The following IQGAP2 variants were observed in gnomAD, a reference collection of about 807,000 sequenced individuals.
IQGAP2 encodes the protein ras GTPase-activating-like protein IQGAP2.
Under a neutral mutation model 201.3 loss-of-function variants are expected in IQGAP2, and 173 were observed. The ratio of observed to expected loss-of-function variants is 0.86; its 90% CI spans 0.76 to 0.98. The LOEUF is 0.98. Ranked by LOEUF, IQGAP2 falls within the 50% of genes least tolerant of loss-of-function variation. The pLI, the probability that IQGAP2 is intolerant of heterozygous loss-of-function variation, is 0.00. For missense variants in IQGAP2, 1,687 were observed against 1,864.8 expected (o/e 0.90, Z 1.76); for synonymous variants, 675 against 673.9 (o/e 1.00, Z -0.03).
rs141898089 is a variant in IQGAP2 at position 76,618,256 on chromosome 5, C to T, written c.1521+7073C>T. 53 of 1,614,014 alleles carry T rather than the reference C, an allele frequency of 3.3e-5. No individual in the cohort carries two copies. In the African/African-American group the frequency reaches 6.4e-4, roughly 20 times the overall value. On this transcript the variant is annotated intron_variant, in intron 13 of 35. Coordinates refer to ENST00000274364, the MANE Select transcript of IQGAP2 (RefSeq NM_006633.5). ...CAGTTGTTCCCATTGAGATGATAAGCTATCTTAAAGGGCAATGTAACACAA... is the reference window on the plus strand; with the variant it reads ...CAGTTGTTCCCATTGAGATGATAAGTTATCTTAAAGGGCAATGTAACACAA...
At chr5:76,694,819 T>C (rs905792101) in intron 31 of IQGAP2, among the ~76,000 whole-genome samples, 8 of 152,376 alleles carry the variant, frequency 5.3e-5, no homozygotes, top group African/African-American at 1.9e-4. Flanking sequence ...ATAGTCTCTT[T>C]TTGTTACTGT....
chr5:76,522,527 A>G (rs1365784024), intron 2 of IQGAP2, among the ~76,000 whole-genome samples: 1 of 152,134 alleles, frequency 6.6e-6, no homozygotes, highest in Non-Finnish European at 1.5e-5. Context: ...TTCTTACCTC[A>G]AGGAAATGTA....
At chr5:76,451,020 C>G (rs1753708528) in intron 1 of IQGAP2, among the ~76,000 whole-genome samples, 1 of 152,150 alleles carries the variant, frequency 6.6e-6, no homozygotes, top group Non-Finnish European at 1.5e-5. Context: ...CTAATTGTGT[C>G]TGTTATATTA....
At chr5:76,609,128 C>G (rs1477313172) in intron 12 of IQGAP2, 1 of 1,535,810 alleles carries the variant, frequency 6.5e-7, no homozygotes, top group East Asian at 2.4e-5. Context: ...CAGCAGACAG[C>G]AACTTTAGCA....
At chr5:76,657,939 C>G (rs140763883) in intron 20 of IQGAP2, among the ~76,000 whole-genome samples, 1 of 152,242 alleles carries the variant, frequency 6.6e-6, no homozygotes. Flanking sequence ...CTGTTGGTTC[C>G]TGTTTGGCTT....
At chr5:76,648,811 G>T (rs977653466) in intron 17 of IQGAP2, among the ~76,000 whole-genome samples, 7 of 150,722 alleles carry the variant, frequency 4.6e-5, no homozygotes, top group African/African-American at 7.4e-5. Flanking sequence ...ACAGAGGAAT[G>T]AATCAGTGCA....
At chr5:76,577,189 T>C (rs1745527886) in intron 5 of IQGAP2, among the ~76,000 whole-genome samples, 1 of 150,666 alleles carries the variant, frequency 6.6e-6, no homozygotes, top group Admixed American at 6.6e-5. Context: ...GGGACATTCA[T>C]GTTAAGGAGC....
chr5:76,638,997 T>G (rs1751361928), intron 16 of IQGAP2, among the ~76,000 whole-genome samples: 1 of 152,186 alleles, frequency 6.6e-6, no homozygotes, highest in African/African-American at 2.4e-5. Flanking sequence ...TGGCCAAAAG[T>G]AACCTTTCCA....
In IQGAP2 at chr5:76,695,470, C is replaced by G. The variant is rs1399521208; in HGVS notation, c.4010C>G (p.Thr1337Arg). The change falls in exon 32 of 36, where the codon ACG becomes AGG. Residue 1337 changes from threonine (T) to arginine (R), a missense_variant. By Grantham distance (71) the Thr-to-Arg change is moderately conservative. Coordinates refer to ENST00000274364, the MANE Select transcript of IQGAP2 (RefSeq NM_006633.5). The part of the protein sequence containing the change: ...ATAQQEVDHA[T>R]DMVSRAMIDS... The stretch of plus-strand genomic sequence containing the variant: ...TCTTTTCAGGAGGTAGACCATGCCA[C>G]GGACATGGTGAGCCGTGCAATGATA... 2.5e-6 allele frequency: 4 copies of G among 1,613,480 alleles called. No homozygotes were observed. The highest frequency in any genetic ancestry group is 3.4e-6 in the Non-Finnish European group (4 of 1,179,478).
At chr5:76,431,132 T>C (rs1561366164) in intron 1 of IQGAP2, among the ~76,000 whole-genome samples, 1 of 152,042 alleles carries the variant, frequency 6.6e-6, no homozygotes, top group Non-Finnish European at 1.5e-5. Context: ...AAATTGTTAG[T>C]GGATTTCTAC....
chr5:76,592,628 A>G (rs542284986), intron 8 of IQGAP2, among the ~76,000 whole-genome samples: 2 of 152,258 alleles, frequency 1.3e-5, no homozygotes, highest in East Asian at 1.9e-4. Context: ...GCCCTTTTCA[A>G]AGAGTCACCG....
At position 76,683,216 on chromosome 5, in the gene IQGAP2, T is replaced by C; in HGVS notation, c.3762T>C (p.Leu1254=). 1 of 1,606,994 alleles carries C rather than the reference T, an allele frequency of 6.2e-7. No homozygotes were observed. Among genetic ancestry groups the C allele is most frequent in the Non-Finnish European group, 8.5e-7 (1 of 1,175,358 alleles). ...LGEVPTVESF[L]GEGAVDPNDP... ...AGGTGCCAACCGTGGAATCTTTTCT[T>C]GGTAAGAGCTTGTTCCTTCTACTTA... is the stretch of plus-strand genomic sequence containing the variant. The change falls in exon 29 of 36, where the codon CTT becomes CTC. Residue 1254 remains leucine, a splice_region_variant and synonymous_variant. Coordinates refer to ENST00000274364, the MANE Select transcript of IQGAP2 (RefSeq NM_006633.5).
At chr5:76,485,217 C>T (rs576841674) in intron 2 of IQGAP2, among the ~76,000 whole-genome samples, 1 of 152,300 alleles carries the variant, frequency 6.6e-6, no homozygotes, top group Non-Finnish European at 1.5e-5. Context: ...ATATCCAGAG[C>T]CCAGGCCAGA....
rs760292212 is a variant in IQGAP2, at chr5:76,589,583, A to G, written c.527-32A>G. The G allele has an allele frequency of 2.4e-6, 3 of 1,240,812 alleles. No individual in the cohort carries two copies. The Admixed American group carries it at 6.1e-5, about 25-fold the overall frequency. 76.9% of individuals were successfully genotyped at this position (1,240,812 alleles called of 1,614,324 possible). ...CCATCTCTGTCTGTAGCTTTCTCTG[A>G]TAATGATTATGATTATTTTGTTCTT... On this transcript the variant is annotated intron_variant, in intron 6 of 35. Coordinates refer to ENST00000274364, the MANE Select transcript of IQGAP2 (RefSeq NM_006633.5).
intron 32 of IQGAP2, among the ~76,000 whole-genome samples, chr5:76,697,143 T>C (rs1356916537): frequency 6.6e-6 from 1 of 152,240 alleles, no homozygotes; most frequent in East Asian, 1.9e-4. Flanking sequence ...TGCAACTTAA[T>C]GTTCTAGGAA....
chr5:76,460,228 T>G (rs1190619197), intron 1 of IQGAP2, among the ~76,000 whole-genome samples: 1 of 152,130 alleles, frequency 6.6e-6, no homozygotes. Context: ...CAGAGATCCA[T>G]GGAATTTTGC....
chr5:76,572,839 GA>G (rs1745210394), intron 4 of IQGAP2, among the ~76,000 whole-genome samples: 1 of 152,138 alleles, frequency 6.6e-6, no homozygotes, highest in Non-Finnish European at 1.5e-5. Context: ...GGTGTGCAGT[GA>G]AAAACACCCA....
intron 7 of IQGAP2, 43 bp downstream of exon 7, chr5:76,589,771 T>C (rs1746515523): frequency 9.7e-7 from 1 of 1,027,390 alleles, no homozygotes; most frequent in Non-Finnish European, 1.4e-6. Context: ...ATGTGAGACT[T>C]ACCTGTACTT....
chr5:76,705,296 A>G (rs1475246464), intron 35 of IQGAP2, among the ~76,000 whole-genome samples: 1 of 152,164 alleles, frequency 6.6e-6, no homozygotes, highest in Non-Finnish European at 1.5e-5. Context: ...CCTTAATCTC[A>G]TATCTCATTC....
Sources: allele counts gnomAD v4.1 joint callset (sites outside exome capture counted in the v4.1 genomes callset), GRCh38; gene constraint gnomAD v4.1.1; transcripts MANE v1.5; gene names NCBI Gene and HGNC (gene_info 2026-07-23, HGNC 2026-07-21).